GUCY1A1: variants seen among roughly 807,000 people sequenced by gnomAD.
GUCY1A1 encodes the protein guanylate cyclase soluble subunit alpha-1.
A neutral mutation model predicts 64.5 loss-of-function variants in GUCY1A1; 48 were observed. That is an observed-to-expected ratio of 0.74 (90% CI 0.59 to 0.95). The LOEUF (loss-of-function observed/expected upper bound fraction) is 0.95. Among genes scored for constraint, GUCY1A1 ranks in the 40% least tolerant of loss-of-function variants. The probability of loss-of-function intolerance (pLI) is 0.00; values close to 1 mark genes in which losing one functional copy is unlikely to be tolerated. For missense variants in GUCY1A1, 804 were observed against 825.3 expected (o/e 0.97, Z 0.32); for synonymous variants, 308 against 303.4 (o/e 1.02, Z -0.16).
chr4:155,675,997 T>C (rs550879608), intron 2 of GUCY1A1, among the ~76,000 whole-genome samples: 6 of 151,626 alleles, frequency 4.0e-5, no homozygotes, highest in Non-Finnish European at 4.4e-5. Context: ...TTTGGGTTGA[T>C]GCAATCTTTT....
At position 155,717,189 on chromosome 4, in the gene GUCY1A1, G is replaced by A. The variant is rs779806403; in HGVS notation, c.1603G>A (p.Ala535Thr). 1.9e-6 allele frequency: 3 copies of A among 1,546,714 alleles called. No individual in the cohort carries two copies. The highest frequency in any genetic ancestry group is 1.8e-6 in the Non-Finnish European group (2 of 1,138,636). The part of the protein sequence containing the change: ...VETIGDAYCV[A>T]GGLHKESDTH... ...GACCATTGGCGATGCCTATTGTGTA[G>A]CTGGGGGATTACACAAAGAGAGTGA... The change falls in exon 8 of 10, where the codon GCT becomes ACT. Residue 535 changes from alanine (A) to threonine (T), a missense_variant. Physicochemically the swap from Ala to Thr is moderately conservative, Grantham distance 58. Coordinates refer to ENST00000506455, the MANE Select transcript of GUCY1A1 (RefSeq NM_001130682.3).
Position 155,676,310 on chromosome 4 carries a change from T to G in GUCY1A1, c.-113+8891T>G, listed in dbSNP as rs1324265312. The stretch of plus-strand genomic sequence containing the variant: ...TCCTAAGAAGAGCTGGTTTTTTTTT[T>G]TTTTTTTTTAACAATTTTGTTGCCT... On this transcript the variant is annotated intron_variant, in intron 2 of 9. Transcript: ENST00000506455. 2.1e-4 allele frequency among the ~76,000 whole-genome samples: 31 copies of G among 150,166 alleles called. 3 individuals are homozygous for G. The highest frequency in any genetic ancestry group is 7.8e-4 in the African/African-American group (31 of 39,790).
At chr4:155,680,056 C>G (rs1328602440) in intron 2 of GUCY1A1, among the ~76,000 whole-genome samples, 1 of 152,122 alleles carries the variant, frequency 6.6e-6, no homozygotes, top group African/African-American at 2.4e-5. Flanking sequence ...TCAATGAAAT[C>G]TTAGCCTCAT....
chr4:155,701,331 G>T (rs1440563603), intron 3 of GUCY1A1, among the ~76,000 whole-genome samples: 3 of 151,974 alleles, frequency 2.0e-5, no homozygotes, highest in Non-Finnish European at 4.4e-5. Context: ...AATAAGTTTT[G>T]ATTCAAAATG....
chr4:155,692,588 C>T (rs1376372060), intron 2 of GUCY1A1, among the ~76,000 whole-genome samples: 1 of 152,166 alleles, frequency 6.6e-6, no homozygotes, highest in East Asian at 1.9e-4. Context: ...CTGTTGGTCA[C>T]ATGTATGCCT....
chr4:155,724,396 AGTT>A (rs1734383465), intron 9 of GUCY1A1, among the ~76,000 whole-genome samples: 1 of 152,106 alleles, frequency 6.6e-6, no homozygotes, highest in East Asian at 1.9e-4. Flanking sequence ...AACTGAAAGA[AGTT>A]GTCTATACTC....
chr4:155,719,786 T>C (rs143579357), intron 8 of GUCY1A1, among the ~76,000 whole-genome samples: 1 of 152,208 alleles, frequency 6.6e-6, no homozygotes. Context: ...AGCAAACTTC[T>C]AGTACCCCTC....
intron 7 of GUCY1A1, among the ~76,000 whole-genome samples, chr4:155,716,369 G>C (rs1292526119): frequency 6.6e-6 from 1 of 152,138 alleles, no homozygotes; most frequent in Non-Finnish European, 1.5e-5. Context: ...GAAGAAAAAT[G>C]AAGCTCTTAG....
intron 9 of GUCY1A1, among the ~76,000 whole-genome samples, chr4:155,728,499 AC>A (rs1227786405): frequency 6.6e-6 from 1 of 151,876 alleles, no homozygotes; most frequent in East Asian, 1.9e-4. Context: ...TTTCATTATT[AC>A]AAAAAGTGAT....
At chr4:155,679,703 G>A (rs1735450110) in intron 2 of GUCY1A1, among the ~76,000 whole-genome samples, 1 of 152,168 alleles carries the variant, frequency 6.6e-6, no homozygotes, top group South Asian at 2.1e-4. Flanking sequence ...AGTTTGGAAG[G>A]TTCGAATATC....
At chr4:155,672,128 G>T (rs1578989218) in intron 2 of GUCY1A1, among the ~76,000 whole-genome samples, 1 of 151,332 alleles carries the variant, frequency 6.6e-6, no homozygotes, top group East Asian at 2.0e-4. Context: ...CACTTGATTT[G>T]GGACTTTTAC....
chr4:155,682,728 G>GTGTA (rs1491358011), intron 2 of GUCY1A1, among the ~76,000 whole-genome samples: 39 of 146,398 alleles, frequency 2.7e-4, no homozygotes, highest in East Asian at 4.0e-4. Flanking sequence ...GTGTGTGTGT[G>GTGTA]TATATACCCC....
rs1455308330 is a variant in GUCY1A1 at position 155,733,186 on chromosome 4, G to A, written c.*2955G>A. The stretch of plus-strand genomic sequence containing the variant: ...TTTTGAAATTTAAGGATAAAATATG[G>A]CCCAATCTATCAAGAAAGGAAAGTG... On this transcript the variant is annotated 3_prime_UTR_variant, in exon 10 of 10. Transcript: ENST00000506455. Among the ~76,000 whole-genome samples the A allele has an allele frequency of 2.6e-5, 4 of 151,686 alleles. No homozygotes were observed. The highest frequency in any genetic ancestry group is 4.8e-5 in the African/African-American group (2 of 41,336).
chr4:155,693,105 G>C (rs540266838), intron 2 of GUCY1A1, among the ~76,000 whole-genome samples: 1 of 152,008 alleles, frequency 6.6e-6, no homozygotes, highest in East Asian at 1.9e-4. Flanking sequence ...TTAAATTCTA[G>C]AGTTTAAATG....
At chr4:155,719,292 G>A (rs1020718176) in intron 8 of GUCY1A1, among the ~76,000 whole-genome samples, 3 of 152,136 alleles carry the variant, frequency 2.0e-5, no homozygotes, top group Non-Finnish European at 2.9e-5. Context: ...AATATCTGAC[G>A]TCCCTAAAAG....
intron 9 of GUCY1A1, chr4:155,722,526 G>T: frequency 1.3e-6 from 1 of 786,314 alleles, no homozygotes; most frequent in African/African-American, 1.9e-5. Context: ...TGCAGTTCTG[G>T]CAGTAAACAC....
At chr4:155,701,524 C>A (rs984034165) in intron 3 of GUCY1A1, among the ~76,000 whole-genome samples, 1 of 151,908 alleles carries the variant, frequency 6.6e-6, no homozygotes, top group Non-Finnish European at 1.5e-5. Flanking sequence ...AAGAGTATAC[C>A]CAATGGCTTA....
Position 155,713,233 on chromosome 4 carries a change from G to A in GUCY1A1, c.1222G>A (p.Ala408Thr), listed in dbSNP as rs770283611. 11 of 1,614,014 alleles carry A rather than the reference G, an allele frequency of 6.8e-6. No homozygotes were observed. Among genetic ancestry groups the A allele is most frequent in the African/African-American group, 1.3e-5 (1 of 74,926 alleles). ...LYLSDIPIHN[A>T]LRDVVLIGEQ... ...CCTCTCAGACATCCCAATTCACAAT[G>A]CACTGAGGGATGTGGTCTTAATAGG... The change falls in exon 7 of 10, where the codon GCA becomes ACA. Residue 408 changes from alanine (A) to threonine (T), a missense_variant. Coordinates refer to ENST00000506455, the MANE Select transcript of GUCY1A1 (RefSeq NM_001130682.3).
chr4:155,735,341 C>T lies in GUCY1A1; in HGVS notation c.*5110C>T, dbSNP rs1459857. 2.2e-4 allele frequency: 33 copies of T among 151,870 alleles called. No homozygotes were observed. The highest frequency in any genetic ancestry group is 4.3e-4 in the Non-Finnish European group (29 of 67,912). The allele number at this position is 151,870 out of a possible 1,614,324, so 9.4% of individuals were successfully genotyped here. On this transcript the variant is annotated 3_prime_UTR_variant, in exon 10 of 10. Coordinates refer to ENST00000506455, the MANE Select transcript of GUCY1A1 (RefSeq NM_001130682.3). The stretch of plus-strand genomic sequence containing the variant: ...AGCAAAAGGAAAAAAAAGTGATATT[C>T]TAAAAGCCACACTTCTTTTATCACC...
Sources: gnomAD v4.1 joint callset for allele counts (sites outside exome capture counted in the v4.1 genomes callset) on GRCh38, gnomAD v4.1.1 for gene constraint, MANE v1.5 for transcripts, NCBI Gene and HGNC (gene_info 2026-07-23, HGNC 2026-07-21) for gene names.